Variants in ANAPC1 observed in about 807,000 individuals in gnomAD.
The protein encoded by ANAPC1 is anaphase promoting complex subunit 1.
In ANAPC1, 36 loss-of-function variants were observed where a neutral mutation model predicts 208.0. That is an observed-to-expected ratio of 0.17 (90% CI 0.13 to 0.23). The LOEUF (loss-of-function observed/expected upper bound fraction) is 0.23. ANAPC1 is among the 10% of genes least tolerant of loss of function. The probability of loss-of-function intolerance (pLI) is 1.00; values close to 1 mark genes in which losing one functional copy is unlikely to be tolerated. For synonymous variants in ANAPC1, 378 were observed against 695.2 expected (o/e 0.54, Z 7.18); for missense variants, 942 against 2,011.6 (o/e 0.47, Z 10.17).
rs1456206010 is a variant in ANAPC1 at position 111,768,275 on chromosome 2, T to A, written c.*1016A>T. ...AATCCCTCCTTTTATAGACATACAT[T>A]CTGTAAATCTTAGGTAAATATGGAT... is the stretch of plus-strand genomic sequence containing the variant. On this transcript the variant is annotated 3_prime_UTR_variant, in exon 48 of 48. Coordinates refer to ENST00000341068, the MANE Select transcript of ANAPC1 (RefSeq NM_022662.4). 1 of 152,174 alleles carries A rather than the reference T, an allele frequency of 6.6e-6. No homozygotes were observed. The highest frequency in any genetic ancestry group is 2.4e-5 in the African/African-American group (1 of 41,432). The allele number at this position is 152,174 out of a possible 1,614,324, so 9.4% of individuals were successfully genotyped here. A position where few individuals can be genotyped will look rare whatever the true frequency, so the allele number is the denominator to read the frequency against.
intron 14 of ANAPC1, among the ~76,000 whole-genome samples, chr2:111,848,603 C>G (rs1486450049): frequency 6.6e-6 from 1 of 151,948 alleles, no homozygotes; most frequent in Non-Finnish European, 1.5e-5. Flanking sequence ...ATGGTGAAAC[C>G]CCATCTCTAC....
chr2:111,773,469 T>C (rs1333343014), intron 46 of ANAPC1, among the ~76,000 whole-genome samples: 2 of 152,144 alleles, frequency 1.3e-5, no homozygotes, highest in Non-Finnish European at 2.9e-5. Flanking sequence ...AGACCTCTAA[T>C]AACATAGGCA....
At chr2:111,787,754 T>A (rs939756556) in intron 39 of ANAPC1, among the ~76,000 whole-genome samples, 1 of 150,572 alleles carries the variant, frequency 6.6e-6, no homozygotes, top group African/African-American at 2.5e-5. Context: ...TTGTCTCTGG[T>A]TTTTTGCTGT....
chr2:111,827,246 C>T (rs13016796), intron 21 of ANAPC1, among the ~76,000 whole-genome samples: 1 of 152,206 alleles, frequency 6.6e-6, no homozygotes, highest in East Asian at 1.9e-4. Context: ...AAAAAGATAA[C>T]ACAAAGGAAA....
intron 18 of ANAPC1, among the ~76,000 whole-genome samples, chr2:111,838,170 T>C (rs1278776799): frequency 2.0e-5 from 3 of 151,634 alleles, no homozygotes; most frequent in Non-Finnish European, 4.4e-5. Context: ...GTAAATGCTG[T>C]CATTTCAGGT....
At chr2:111,846,534 C>CAT (rs1158119946) in intron 16 of ANAPC1, among the ~76,000 whole-genome samples, 1,321 of 68,268 alleles carry the variant, frequency 0.019, 24 homozygotes, top group Non-Finnish European at 0.022. Context: ...TATACATATA[C>CAT]ATATATATAT....
chr2:111,851,423 T>G lies in ANAPC1; in HGVS notation c.1516-513A>C, dbSNP rs1029039872. Among the ~76,000 whole-genome samples, 12 of 149,176 alleles carry G rather than the reference T, an allele frequency of 8.0e-5. No homozygotes were observed. The East Asian group carries it at 2.4e-3, about 29-fold the overall frequency. ...CTCTTCATTACTGAAGACTTTTTTT[T>G]GCAGGCAAGGAGAGGAATGTTAATA... On this transcript the variant is annotated intron_variant, in intron 13 of 47. Coordinates refer to ENST00000341068, the MANE Select transcript of ANAPC1 (RefSeq NM_022662.4).
At chr2:111,867,107 A>G (rs1219636635) in intron 7 of ANAPC1, among the ~76,000 whole-genome samples, 9 of 152,046 alleles carry the variant, frequency 5.9e-5, no homozygotes, top group Admixed American at 4.6e-4. Context: ...CCTGACCAAC[A>G]TGGTGAAACT....
In ANAPC1 at chr2:111,850,779, G is replaced by T; in HGVS notation, c.1647C>A (p.Asp549Glu). The T allele has an allele frequency of 6.2e-7, 1 of 1,611,458 alleles. No individual in the cohort carries two copies. Reference protein sequence around the residue: ...KPLSKLLGSLDEVVLLSPVPE... With the variant: ...KPLSKLLGSLEEVVLLSPVPE... The stretch of plus-strand genomic sequence containing the variant: ...CAACACCTAGTCCTTTTCTTACCTC[G>T]TCCAATGATCCAAGGAGTTTACTAA... The change falls in exon 14 of 48, where the codon GAC (aspartate) becomes GAA (glutamate). Residue 549 changes from aspartate to glutamate, a missense_variant. Asp to Glu is a conservative substitution (Grantham distance 45). Coordinates refer to ENST00000341068, the MANE Select transcript of ANAPC1 (RefSeq NM_022662.4).
In ANAPC1 at chr2:111,776,929, G is replaced by C; in HGVS notation, c.5514C>G (p.Leu1838=). 1 of 518,896 alleles carries C rather than the reference G, an allele frequency of 1.9e-6. No homozygotes were observed. Among genetic ancestry groups the C allele is most frequent in the Non-Finnish European group, 3.3e-6 (1 of 303,938 alleles). The allele number at this position is 518,896 out of a possible 1,614,324, so 32.1% of individuals were successfully genotyped here. Residue 1838 remains leucine, a synonymous_variant, in exon 46 of 48, where the codon CTC becomes CTG. Transcript: ENST00000341068. ...CAGGGAGGAATTCCGAGTTCATAAA[G>C]AGCCCCCGCTTAGGGTGGTTCTGCA... The part of the protein sequence containing the change: ...ERLQNHPKRG[L]FMNSEFLPVV...
At chr2:111,825,944 A>C in intron 21 of ANAPC1, 89 bp from the exon 22 acceptor site, 1 of 1,258,566 alleles carries the variant, frequency 7.9e-7, no homozygotes, top group Non-Finnish European at 1.1e-6. Flanking sequence ...TGACACAATC[A>C]CAGCTCACTG....
At chr2:111,858,782 A>AAAT (rs1681888098) in intron 10 of ANAPC1, among the ~76,000 whole-genome samples, 1 of 151,858 alleles carries the variant, frequency 6.6e-6, no homozygotes, top group African/African-American at 2.4e-5. Flanking sequence ...AAAAAAAAAA[A>AAAT]AAAAGTCTTT....
intron 47 of ANAPC1, among the ~76,000 whole-genome samples, chr2:111,771,588 T>A (rs1676741161): frequency 6.8e-6 from 1 of 147,386 alleles, no homozygotes; most frequent in African/African-American, 2.5e-5. Context: ...CTTTTCTTAT[T>A]TTTTTTTTTT....
At chr2:111,826,341 G>C (rs986693460) in intron 21 of ANAPC1, among the ~76,000 whole-genome samples, 3 of 152,256 alleles carry the variant, frequency 2.0e-5, no homozygotes, top group African/African-American at 7.2e-5. Flanking sequence ...AAGTTCCCTT[G>C]TTCCTTTTGT....
chr2:111,847,336 C>G, intron 15 of ANAPC1, 138 bp from the exon 16 acceptor site: 1 of 640,404 alleles, frequency 1.6e-6, no homozygotes, highest in Non-Finnish European at 2.6e-6. Flanking sequence ...GAAATGAACA[C>G]TTCCGAATTT....
chr2:111,824,400 G>A (rs1476914237), intron 24 of ANAPC1, among the ~76,000 whole-genome samples: 1 of 151,858 alleles, frequency 6.6e-6, no homozygotes, highest in Admixed American at 6.6e-5. Context: ...AGTAATTTTT[G>A]TTTTTCAGTT....
rs568513135 is a variant in ANAPC1, at chr2:111,792,813, C to G, written c.4519-258G>C. On this transcript the variant is annotated intron_variant, in intron 37 of 47. Coordinates refer to ENST00000341068, the MANE Select transcript of ANAPC1 (RefSeq NM_022662.4). ...TAAAAAATACAAAAAGTTAGCCGGG[C>G]GTGGTGGCGGGCGCCTGTGGTCCCA... 3.5e-4 allele frequency among the ~76,000 whole-genome samples: 53 copies of G among 152,056 alleles called. 1 individual carries two copies. Among genetic ancestry groups the G allele is most frequent in the Admixed American group, 3.4e-3 (52 of 15,280 alleles).
In ANAPC1 at chr2:111,789,129, C is replaced by G. The variant is rs186687466; in HGVS notation, c.4713-809G>C. Among the ~76,000 whole-genome samples, 201 of 152,090 alleles carry G rather than the reference C, an allele frequency of 1.3e-3. 1 individual carries two copies. The highest frequency in any genetic ancestry group is 9.8e-3 in the Admixed American group (149 of 15,272). ...CTCCAGCCTGGGCGAAAGAGCGAGACTCCTTCTCAAAAAAAAAAAAAAGTT... is the reference window on the plus strand; with the variant it reads ...CTCCAGCCTGGGCGAAAGAGCGAGAGTCCTTCTCAAAAAAAAAAAAAAGTT... On this transcript the variant is annotated intron_variant, in intron 38 of 47. Coordinates refer to ENST00000341068, the MANE Select transcript of ANAPC1 (RefSeq NM_022662.4).
chr2:111,869,973 G>A (rs1682652158), intron 6 of ANAPC1, among the ~76,000 whole-genome samples: 1 of 152,146 alleles, frequency 6.6e-6, no homozygotes, highest in Admixed American at 6.5e-5. Flanking sequence ...TGCAGTATTT[G>A]GTTTTCCATT....
Sources: gnomAD v4.1 joint callset for allele counts (sites outside exome capture counted in the v4.1 genomes callset) on GRCh38, gnomAD v4.1.1 for gene constraint, MANE v1.5 for transcripts, NCBI Gene and HGNC (gene_info 2026-07-23, HGNC 2026-07-21) for gene names.